Variants in NRXN1 observed in about 807,000 individuals in gnomAD.
NRXN1 encodes the protein neurexin 1, also known as neurexin-1.
Under a neutral mutation model 150.9 loss-of-function variants are expected in NRXN1, and 39 were observed. The observed-to-expected ratio is 0.26, with a 90% CI of 0.20 to 0.34. The LOEUF is 0.34. Among genes scored for constraint, NRXN1 ranks in the 10% least tolerant of loss-of-function variants. The probability of loss-of-function intolerance (pLI) is 1.00; values close to 1 mark genes in which losing one functional copy is unlikely to be tolerated. For synonymous variants in NRXN1, 924 were observed against 757.0 expected (o/e 1.22, Z -3.62); for missense variants, 1,815 against 1,949.9 (o/e 0.93, Z 1.30).
chr2:50,153,986 C>T (rs2058857720), intron 18 of NRXN1, among the ~76,000 whole-genome samples: 1 of 151,716 alleles, frequency 6.6e-6, no homozygotes, highest in Non-Finnish European at 1.5e-5. Context: ...ATAGTTGCTG[C>T]TAAACTAAAA....
At chr2:50,708,469 G>C (rs1396605200) in intron 5 of NRXN1, among the ~76,000 whole-genome samples, 3 of 152,138 alleles carry the variant, frequency 2.0e-5, no homozygotes, top group African/African-American at 7.2e-5. Flanking sequence ...AACAGGGCTT[G>C]AGTTTTCACT....
intron 5 of NRXN1, among the ~76,000 whole-genome samples, chr2:50,858,150 G>A (rs1194733557): frequency 1.3e-5 from 2 of 150,368 alleles, no homozygotes; most frequent in Admixed American, 1.3e-4. Context: ...TTCATTGTTT[G>A]TGCATAAATC....
chr2:49,942,215 C>T (rs972054519), intron 22 of NRXN1, among the ~76,000 whole-genome samples: 7 of 152,090 alleles, frequency 4.6e-5, no homozygotes, highest in African/African-American at 1.7e-4. Flanking sequence ...AGAGTCCTGA[C>T]TGGCACTGTG....
intron 15 of NRXN1, among the ~76,000 whole-genome samples, chr2:50,494,464 A>C (rs556795274): frequency 2.5e-4 from 38 of 152,294 alleles, no homozygotes; most frequent in African/African-American, 7.9e-4. Flanking sequence ...CTTCAATCAG[A>C]GGGAATAAAG....
chr2:50,398,924 AG>A (rs1305813746), intron 17 of NRXN1, among the ~76,000 whole-genome samples: 3 of 152,100 alleles, frequency 2.0e-5, no homozygotes, highest in African/African-American at 7.2e-5. Context: ...AGAGGATAGG[AG>A]GGTAGGTATA....
intron 17 of NRXN1, among the ~76,000 whole-genome samples, chr2:50,249,071 C>T (rs140336855): frequency 6.8e-6 from 1 of 147,682 alleles, no homozygotes; most frequent in Non-Finnish European, 1.5e-5. Flanking sequence ...GTTGGAGGAT[C>T]ACTTGAGCCC....
In NRXN1 at chr2:50,113,104, GT is replaced by G. The variant is rs1702590239; in HGVS notation, c.3547-21611del. 2.6e-5 allele frequency among the ~76,000 whole-genome samples: 4 copies of G among 152,224 alleles called. No individual in the cohort carries two copies. The South Asian group carries it at 8.3e-4, about 32-fold the overall frequency. On this transcript the variant is annotated intron_variant, in intron 18 of 22. Coordinates refer to ENST00000401669, the MANE Select transcript of NRXN1 (RefSeq NM_001330078.2). Reference sequence around the variant, plus strand: ...TACCCCTAGATTTGATTCCTGCTCAGTGACGATCTTGAAGGTATGGCATTTT... The same window carrying G: ...TACCCCTAGATTTGATTCCTGCTCAGGACGATCTTGAAGGTATGGCATTTT...
At chr2:50,143,715 C>T (rs1476817918) in intron 18 of NRXN1, among the ~76,000 whole-genome samples, 6 of 151,798 alleles carry the variant, frequency 4.0e-5, no homozygotes. Context: ...TGGCTTTACC[C>T]TACTGTTTCA....
chr2:51,029,844 ACTTCTCT>A (rs1671195807), intron 1 of NRXN1, among the ~76,000 whole-genome samples: 4 of 152,180 alleles, frequency 2.6e-5, no homozygotes, highest in Admixed American at 2.6e-4. Flanking sequence ...CCTAATATTA[ACTTCTCT>A]AAAGGTGCAT....
intron 17 of NRXN1, among the ~76,000 whole-genome samples, chr2:50,345,744 A>G (rs1047844718): frequency 6.6e-6 from 1 of 152,178 alleles, no homozygotes; most frequent in Admixed American, 6.5e-5. Context: ...GCTGTTTTCA[A>G]AGGGACAGGG....
At chr2:50,036,206 G>T (rs1417848875) in intron 21 of NRXN1, among the ~76,000 whole-genome samples, 1 of 152,072 alleles carries the variant, frequency 6.6e-6, no homozygotes, top group Non-Finnish European at 1.5e-5. Flanking sequence ...CCCCCATCTT[G>T]TTCTCATGAT....
In NRXN1 at chr2:50,406,530, T is replaced by G. The variant is rs2082760417; in HGVS notation, c.3364+58912A>C. ...AACTTTATCTTTGCATAAACTTTGT[T>G]GTTTTGACTCTGCAATCAGGAAGAT... On this transcript the variant is annotated intron_variant, in intron 17 of 22. Transcript: ENST00000401669. Among the ~76,000 whole-genome samples, 6 of 152,288 alleles carry G rather than the reference T, an allele frequency of 3.9e-5. No individual in the cohort carries two copies. The South Asian group carries it at 1.2e-3, about 32-fold the overall frequency.
At chr2:49,944,631 T>C (rs1431068374) in intron 21 of NRXN1, among the ~76,000 whole-genome samples, 1 of 152,176 alleles carries the variant, frequency 6.6e-6, no homozygotes, top group African/African-American at 2.4e-5. Flanking sequence ...AGTTGTTCTT[T>C]ATTGCCACTG....
intron 2 of NRXN1, among the ~76,000 whole-genome samples, chr2:51,019,433 T>C (rs1669249506): frequency 6.6e-6 from 1 of 152,130 alleles, no homozygotes; most frequent in South Asian, 2.1e-4. Flanking sequence ...CAGAATGATT[T>C]TAAATTATTC....
chr2:50,464,640 C>T (rs974378233), intron 17 of NRXN1, among the ~76,000 whole-genome samples: 9 of 152,006 alleles, frequency 5.9e-5, no homozygotes, highest in East Asian at 3.9e-4. Context: ...ACATATAGCA[C>T]GTATTCTATT....
At chr2:51,026,395 T>G (rs1269014836) in intron 2 of NRXN1, 1 of 1,598,810 alleles carries the variant, frequency 6.3e-7, no homozygotes, top group South Asian at 1.1e-5. Context: ...TTTGCTGTAT[T>G]TATACAACAG....
At chr2:49,995,481 C>A (rs532519661) in intron 21 of NRXN1, among the ~76,000 whole-genome samples, 67 of 152,124 alleles carry the variant, frequency 4.4e-4, no homozygotes, top group African/African-American at 1.6e-3. Context: ...CATCAGTAGA[C>A]CTTAAAGATA....
rs901594136 is a variant in NRXN1 at position 50,464,766 on chromosome 2, T to C, written c.3364+676A>G. Among the ~76,000 whole-genome samples, 6 of 152,046 alleles carry C rather than the reference T, an allele frequency of 3.9e-5. No homozygotes were observed. The South Asian group carries it at 8.3e-4, about 21-fold the overall frequency. ...CTGTAAATCAGGACCTATTAGAACA[T>C]TAAGACACAGAACTTCATCTTATAG... On this transcript the variant is annotated intron_variant, in intron 17 of 22. Transcript: ENST00000401669.
intron 21 of NRXN1, among the ~76,000 whole-genome samples, chr2:50,052,720 T>C (rs535846998): frequency 9.2e-5 from 14 of 152,312 alleles, no homozygotes; most frequent in African/African-American, 3.1e-4. Context: ...TGTGCTCAGA[T>C]AAACCAATAG....
Sources: allele counts gnomAD v4.1 joint callset (sites outside exome capture counted in the v4.1 genomes callset), GRCh38; gene constraint gnomAD v4.1.1; transcripts MANE v1.5; gene names NCBI Gene and HGNC (gene_info 2026-07-23, HGNC 2026-07-21).